The following CFAP299 variants were observed in gnomAD, a reference collection of about 807,000 sequenced individuals.
The protein encoded by CFAP299 is cilia and flagella associated protein 299.
CFAP299 carries 21 observed loss-of-function variants against 27.0 expected under a neutral mutation model. The ratio of observed to expected loss-of-function variants is 0.78; its 90% confidence interval spans 0.55 to 1.12. The LOEUF is 1.12. Ranked by LOEUF, CFAP299 falls within the 50% of genes most tolerant of loss-of-function variation. The probability of loss-of-function intolerance (pLI) is 0.00; values close to 1 mark genes in which losing one functional copy is unlikely to be tolerated. For synonymous variants in CFAP299, 104 were observed against 98.1 expected, an observed-to-expected ratio of 1.06 and a Z score of -0.36; for missense variants, 310 against 276.6, an observed-to-expected ratio of 1.12 and a Z score of -0.86.
intron 2 of CFAP299, among the ~76,000 whole-genome samples, chr4:80,406,886 A>G (rs567810377): frequency 3.3e-5 from 5 of 152,230 alleles, no homozygotes; most frequent in African/African-American, 4.8e-5. Context: ...AATGAGGCAC[A>G]GACAAGGTAA....
At chr4:80,850,091 A>C (rs1455995411) in intron 3 of CFAP299, among the ~76,000 whole-genome samples, 1 of 152,146 alleles carries the variant, frequency 6.6e-6, no homozygotes, top group Non-Finnish European at 1.5e-5. Flanking sequence ...GAAGAAAGAA[A>C]ATTTAATCAT....
At chr4:80,500,076 G>C (rs1731667046) in intron 2 of CFAP299, among the ~76,000 whole-genome samples, 2 of 151,764 alleles carry the variant, frequency 1.3e-5, no homozygotes, top group African/African-American at 4.8e-5. Flanking sequence ...ATTCTATTTA[G>C]TCTACAACCC....
chr4:80,760,740 C>T (rs1000012730), intron 3 of CFAP299, among the ~76,000 whole-genome samples: 2 of 152,048 alleles, frequency 1.3e-5, no homozygotes, highest in Non-Finnish European at 2.9e-5. Context: ...ATATAAGAAA[C>T]ATGTAAAGTA....
At chr4:80,352,406 A>G (rs539184996) in intron 1 of CFAP299, among the ~76,000 whole-genome samples, 1 of 152,238 alleles carries the variant, frequency 6.6e-6, no homozygotes, top group Admixed American at 6.5e-5. Context: ...CGTCTCTACT[A>G]AAATACAGAA....
In CFAP299 at chr4:80,567,649, C is replaced by T. The variant is rs376112326; in HGVS notation, c.243-15444C>T. Among the ~76,000 whole-genome samples, 140 of 151,870 alleles carry T rather than the reference C, an allele frequency of 9.2e-4. No individual in the cohort carries two copies. The South Asian group carries it at 0.018, about 20-fold the overall frequency. On this transcript the variant is annotated intron_variant, in intron 2 of 5. Transcript: ENST00000358105. ...GCGGATTGTCTGTTGAATTGATGCT[C>T]AAAGGAAAGGAGCTGAAATTGTTCA...
rs1276533028 is a variant in CFAP299, at chr4:80,572,518, T to TTTTTTTTTTTTTG, written c.243-10563_243-10562insGTTTTTTTTTTTT. ...ATGACTGGATCCCAGTTTTTTTTTTTTTTTTTTTTTTTTTTTTGAGAGGGA... is the reference window on the plus strand; with the variant it reads ...ATGACTGGATCCCAGTTTTTTTTTTTTTTTTTTTTTTTGTTTTTTTTTTTTTTTTTGAGAGGGA... On this transcript the variant is annotated intron_variant, in intron 2 of 5. Transcript: ENST00000358105. Among the ~76,000 whole-genome samples the TTTTTTTTTTTTTG allele has an allele frequency of 5.7e-5, 7 of 122,416 alleles. 1 individual carries two copies. Among genetic ancestry groups the TTTTTTTTTTTTTG allele is most frequent in the Non-Finnish European group, 1.2e-4 (7 of 56,844 alleles). 80.3% of individuals were successfully genotyped at this position (122,416 alleles called of 152,430 possible).
rs113981469 is a variant in CFAP299 at position 80,956,999 on chromosome 4, A to T, written c.607-6518A>T. ...GATAGCTTTCATTGCTTCTATATTT[A>T]AAAAGATTCCTATACTAGAATCAGG... On this transcript the variant is annotated intron_variant, in intron 5 of 5. Coordinates refer to ENST00000358105, the MANE Select transcript of CFAP299 (RefSeq NM_152770.3). Among the ~76,000 whole-genome samples, 579 of 152,222 alleles carry T rather than the reference A, an allele frequency of 3.8e-3. 8 individuals are homozygous for T. Among genetic ancestry groups the T allele is most frequent in the African/African-American group, 0.013 (554 of 41,540 alleles).
At chr4:80,657,366 A>G (rs1004303126) in intron 3 of CFAP299, among the ~76,000 whole-genome samples, 3 of 152,102 alleles carry the variant, frequency 2.0e-5, no homozygotes, top group African/African-American at 4.8e-5. Context: ...TTTAGGTCTT[A>G]TGTTTAAGTC....
chr4:80,397,112 G>A lies in CFAP299; in HGVS notation c.242+34228G>A, dbSNP rs576989964. ...CTTCTTCCTGGTTTAGTCTTGGGAG[G>A]GTGTATGTGTCCAGGAATTTATCCA... On this transcript the variant is annotated intron_variant, in intron 2 of 5. Coordinates refer to ENST00000358105, the MANE Select transcript of CFAP299 (RefSeq NM_152770.3). 6.4e-3 allele frequency among the ~76,000 whole-genome samples: 939 copies of A among 146,552 alleles called. 2 individuals carry two copies. Among genetic ancestry groups the A allele is most frequent in the Middle Eastern group, 0.025 (7 of 284 alleles).
At chr4:80,692,743 A>G (rs1292024018) in intron 3 of CFAP299, among the ~76,000 whole-genome samples, 3 of 152,296 alleles carry the variant, frequency 2.0e-5, no homozygotes, top group African/African-American at 4.8e-5. Flanking sequence ...AGAAACTACC[A>G]TCAGAGTGAA....
chr4:80,945,287 G>A (rs112702561), intron 5 of CFAP299, among the ~76,000 whole-genome samples: 2 of 152,180 alleles, frequency 1.3e-5, no homozygotes, highest in Non-Finnish European at 2.9e-5. Context: ...GGGGAGGAGC[G>A]TCATTCAGAG....
At chr4:80,492,223 T>C (rs1731171962) in intron 2 of CFAP299, among the ~76,000 whole-genome samples, 1 of 152,214 alleles carries the variant, frequency 6.6e-6, no homozygotes, top group African/African-American at 2.4e-5. Flanking sequence ...CTCTAACGTC[T>C]ATAAAACCAA....
chr4:80,915,414 T>C (rs185790222), intron 4 of CFAP299, among the ~76,000 whole-genome samples: 646 of 152,194 alleles, frequency 4.2e-3, no homozygotes, highest in Non-Finnish European at 6.9e-3. Flanking sequence ...GATTTTGTCC[T>C]GGATTTTTCA....
intron 5 of CFAP299, among the ~76,000 whole-genome samples, chr4:80,945,762 G>A (rs1272211883): frequency 6.6e-6 from 1 of 152,032 alleles, no homozygotes; most frequent in Non-Finnish European, 1.5e-5. Flanking sequence ...GGAAAGGGGG[G>A]TCAGGTTATA....
At chr4:80,559,338 G>A (rs1734931892) in intron 2 of CFAP299, among the ~76,000 whole-genome samples, 1 of 144,928 alleles carries the variant, frequency 6.9e-6, no homozygotes, top group African/African-American at 2.9e-5. Context: ...ATAGATCAAA[G>A]AAAGGGGAAG....
At chr4:80,731,267 T>C (rs1181366036) in intron 3 of CFAP299, among the ~76,000 whole-genome samples, 4 of 152,222 alleles carry the variant, frequency 2.6e-5, no homozygotes, top group African/African-American at 9.6e-5. Flanking sequence ...GGGGGTCCCA[T>C]GTTGCTAAAA....
chr4:80,857,996 T>A (rs1190529700), intron 3 of CFAP299, among the ~76,000 whole-genome samples: 1 of 152,144 alleles, frequency 6.6e-6, no homozygotes, highest in Admixed American at 6.5e-5. Flanking sequence ...CTGTTCCTCC[T>A]TGTACCTCTG....
At chr4:80,386,984 C>A in intron 2 of CFAP299, 2 of 1,052,246 alleles carry the variant, frequency 1.9e-6, no homozygotes, top group Admixed American at 3.4e-5. Context: ...GGCCCTTGAA[C>A]CTGCCCCCAC....
intron 3 of CFAP299, among the ~76,000 whole-genome samples, chr4:80,622,171 A>G (rs1350407684): frequency 6.6e-6 from 1 of 152,110 alleles, no homozygotes; most frequent in Non-Finnish European, 1.5e-5. Flanking sequence ...TTGAATAATA[A>G]TTTTTCTGAT....
Sources: gnomAD v4.1 joint callset for allele counts (sites outside exome capture counted in the v4.1 genomes callset) on GRCh38, gnomAD v4.1.1 for gene constraint, MANE v1.5 for transcripts, NCBI Gene and HGNC (gene_info 2026-07-23, HGNC 2026-07-21) for gene names.